The following GPC6 variants were observed in gnomAD, a reference collection of about 807,000 sequenced individuals.
GPC6 encodes glypican-6.
A neutral mutation model predicts 55.2 loss-of-function variants in GPC6; 14 were observed. That is an observed-to-expected ratio of 0.25 (90% confidence interval 0.17 to 0.40). The LOEUF (loss-of-function observed/expected upper bound fraction) is 0.40, where lower values mean the gene tolerates loss of function less well. Among genes scored for constraint, GPC6 ranks in the 10% least tolerant of loss-of-function variants. The probability of loss-of-function intolerance (pLI) is 1.00; values close to 1 mark genes in which losing one functional copy is unlikely to be tolerated. For missense variants in GPC6, 641 were observed against 708.5 expected, an observed-to-expected ratio of 0.90 and a Z score of 1.08; for synonymous variants, 278 against 259.6, an observed-to-expected ratio of 1.07 and a Z score of -0.68.
At chr13:94,066,204 G>T (rs1406653657) in intron 4 of GPC6, among the ~76,000 whole-genome samples, 1 of 152,072 alleles carries the variant, frequency 6.6e-6, no homozygotes, top group Non-Finnish European at 1.5e-5. Context: ...GATATTCATG[G>T]TCTAATCTTG....
intron 1 of GPC6, among the ~76,000 whole-genome samples, chr13:93,230,851 G>A (rs1365647241): frequency 6.6e-6 from 1 of 152,092 alleles, no homozygotes; most frequent in African/African-American, 2.4e-5. Context: ...GAAATTCAGA[G>A]AATGTTGTTT....
chr13:93,561,319 G>T (rs1387068959), intron 2 of GPC6, among the ~76,000 whole-genome samples: 1 of 150,486 alleles, frequency 6.6e-6, no homozygotes, highest in Non-Finnish European at 1.5e-5. Flanking sequence ...CATTGGAAGT[G>T]AAGAGAAAGT....
At chr13:94,213,027 G>T (rs1890125273) in intron 4 of GPC6, among the ~76,000 whole-genome samples, 1 of 152,136 alleles carries the variant, frequency 6.6e-6, no homozygotes, top group South Asian at 2.1e-4. Context: ...GTGATGGCGG[G>T]TGCCTGTAAT....
intron 1 of GPC6, among the ~76,000 whole-genome samples, chr13:93,464,964 C>T (rs546251756): frequency 7.6e-4 from 116 of 152,288 alleles, no homozygotes; most frequent in African/African-American, 2.7e-3. Flanking sequence ...ACCTCTCTGT[C>T]CACCTCCATC....
At chr13:93,302,169 G>C (rs1878703961) in intron 1 of GPC6, among the ~76,000 whole-genome samples, 1 of 152,128 alleles carries the variant, frequency 6.6e-6, no homozygotes, top group Non-Finnish European at 1.5e-5. Flanking sequence ...CTTTTTTTCT[G>C]GCTAGTGAGA....
chr13:94,364,649 T>C (rs1879209593), intron 6 of GPC6, among the ~76,000 whole-genome samples: 2 of 152,156 alleles, frequency 1.3e-5, no homozygotes. Context: ...TTTCCTCCAC[T>C]GGGTGGTTAA....
Position 93,441,277 on chromosome 13 carries a change from T to TCCACAATGGTTGAACTAGTTTACAGTC in GPC6, c.161-103981_161-103955dup, listed in dbSNP as rs1342222515. On this transcript the variant is annotated intron_variant, in intron 1 of 8. Coordinates refer to ENST00000377047, the MANE Select transcript of GPC6 (RefSeq NM_005708.5). ...TCCTTGAGGAACCACCACCCTGTCT[T>TCCACAATGGTTGAACTAGTTTACAGTC]CCACAATGGTTGAACTAGTTTACAG... Among the ~76,000 whole-genome samples, 581 of 152,270 alleles carry TCCACAATGGTTGAACTAGTTTACAGTC rather than the reference T, an allele frequency of 3.8e-3. 6 individuals are homozygous for TCCACAATGGTTGAACTAGTTTACAGTC. The highest frequency in any genetic ancestry group is 0.014 in the African/African-American group (561 of 41,538).
At chr13:94,277,756 T>G (rs1253141754) in intron 4 of GPC6, among the ~76,000 whole-genome samples, 2 of 152,218 alleles carry the variant, frequency 1.3e-5, no homozygotes, top group East Asian at 3.8e-4. Context: ...TGTGGTGTTA[T>G]TTCTGAGGTC....
intron 4 of GPC6, among the ~76,000 whole-genome samples, chr13:94,207,361 T>C (rs1268773751): frequency 6.6e-6 from 1 of 152,204 alleles, no homozygotes; most frequent in Non-Finnish European, 1.5e-5. Context: ...AACCCATATT[T>C]CCGATCTTCC....
intron 3 of GPC6, among the ~76,000 whole-genome samples, chr13:93,839,296 C>T (rs1887864069): frequency 1.3e-5 from 2 of 152,036 alleles, no homozygotes; most frequent in South Asian, 4.2e-4. Context: ...TACTGTTTTG[C>T]CACAAGATAC....
At chr13:94,144,778 G>T (rs998175308) in intron 4 of GPC6, among the ~76,000 whole-genome samples, 1 of 152,014 alleles carries the variant, frequency 6.6e-6, no homozygotes, top group African/African-American at 2.4e-5. Context: ...CCCAACTGAA[G>T]TTAATATTCT....
chr13:93,478,062 G>T (rs1879364357), intron 1 of GPC6, among the ~76,000 whole-genome samples: 1 of 151,970 alleles, frequency 6.6e-6, no homozygotes, highest in African/African-American at 2.4e-5. Context: ...GGCATTTTGG[G>T]GACATTTACT....
intron 2 of GPC6, among the ~76,000 whole-genome samples, chr13:93,607,605 T>C (rs981398022): frequency 3.3e-5 from 5 of 152,166 alleles, no homozygotes; most frequent in African/African-American, 1.2e-4. Flanking sequence ...GGGGGAGACA[T>C]GGCAGAATGA....
intron 2 of GPC6, among the ~76,000 whole-genome samples, chr13:93,788,000 G>A (rs1482498079): frequency 1.3e-5 from 2 of 152,178 alleles, no homozygotes; most frequent in African/African-American, 2.4e-5. Flanking sequence ...TTTTTAAGAT[G>A]TAGGTTATAG....
Position 94,271,192 on chromosome 13 carries a change from C to T in GPC6, c.878-15157C>T, listed in dbSNP as rs372119876. On this transcript the variant is annotated intron_variant, in intron 4 of 8. Coordinates refer to ENST00000377047, the MANE Select transcript of GPC6 (RefSeq NM_005708.5). The stretch of plus-strand genomic sequence containing the variant: ...TTTTTTAGTAGAGACGGGGTTTCAC[C>T]GTGTTAGCCAGGATGGTCTCGATCT... Among the ~76,000 whole-genome samples the T allele has an allele frequency of 1.8e-3, 265 of 151,212 alleles. 7 individuals are homozygous for T. In the East Asian group the frequency reaches 0.047, roughly 27 times the overall value.
intron 6 of GPC6, among the ~76,000 whole-genome samples, chr13:94,373,194 A>T (rs1290275153): frequency 7.9e-5 from 12 of 152,160 alleles, no homozygotes; most frequent in Non-Finnish European, 1.6e-4. Context: ...CTCACCAGCA[A>T]TGGAACAAAG....
At chr13:93,504,114 T>C (rs1164285675) in intron 1 of GPC6, among the ~76,000 whole-genome samples, 1 of 152,116 alleles carries the variant, frequency 6.6e-6, no homozygotes, top group East Asian at 1.9e-4. Flanking sequence ...ACTGGCGGGT[T>C]TTGAGTAGGA....
chr13:93,478,462 AAG>A (rs1594198901), intron 1 of GPC6, among the ~76,000 whole-genome samples: 1 of 152,188 alleles, frequency 6.6e-6, no homozygotes, highest in East Asian at 1.9e-4. Flanking sequence ...TGACATCAAC[AAG>A]TGGCACCAAC....
intron 3 of GPC6, among the ~76,000 whole-genome samples, chr13:93,891,763 G>A (rs1875696669): frequency 6.6e-6 from 1 of 151,758 alleles, no homozygotes; most frequent in South Asian, 2.1e-4. Context: ...ATATATAAAT[G>A]GTCAATGAAC....
Sources: gnomAD v4.1 joint callset for allele counts (sites outside exome capture counted in the v4.1 genomes callset) on GRCh38, gnomAD v4.1.1 for gene constraint, MANE v1.5 for transcripts, NCBI Gene and HGNC (gene_info 2026-07-23, HGNC 2026-07-21) for gene names.